Variants in LNX1 observed in about 807,000 individuals in gnomAD.
LNX1 encodes the protein E3 ubiquitin-protein ligase LNX.
A neutral mutation model predicts 68.4 loss-of-function variants in LNX1; 54 were observed. The ratio of observed to expected loss-of-function variants is 0.79; its 90% CI spans 0.63 to 0.99. LNX1 has a LOEUF of 0.99. Ranked by LOEUF, LNX1 falls within the 50% of genes least tolerant of loss-of-function variation. The probability of loss-of-function intolerance (pLI) is 0.00; values close to 1 mark genes in which losing one functional copy is unlikely to be tolerated. For synonymous variants in LNX1, 336 were observed against 350.0 expected, an observed-to-expected ratio of 0.96 and a Z score of 0.45; for missense variants, 906 against 926.4, an observed-to-expected ratio of 0.98 and a Z score of 0.29.
intron 4 of LNX1, 152 bp downstream of exon 4, chr4:53,507,165 C>T (rs899629068): frequency 9.6e-6 from 7 of 731,604 alleles, no homozygotes; most frequent in South Asian, 7.3e-5. Flanking sequence ...TAGCTACATA[C>T]GTGAGAAGTA....
intron 6 of LNX1, among the ~76,000 whole-genome samples, chr4:53,488,025 G>C (rs1724433623): frequency 6.6e-6 from 1 of 152,186 alleles, no homozygotes; most frequent in Non-Finnish European, 1.5e-5. Context: ...CTGGGAAATT[G>C]TGAAGGCACT....
At chr4:53,466,772 A>G (rs1579350957) in intron 9 of LNX1, among the ~76,000 whole-genome samples, 1 of 152,232 alleles carries the variant, frequency 6.6e-6, no homozygotes, top group Admixed American at 6.5e-5. Context: ...GGTGGCAGCA[A>G]GGCTGGGGGA....
At chr4:53,573,593 G>T in intron 2 of LNX1, 30 bp downstream of exon 2, 2 of 1,539,108 alleles carry the variant, frequency 1.3e-6, no homozygotes, top group South Asian at 2.4e-5. Context: ...TTGGGGGTGG[G>T]ACTTACCGGC....
At chr4:53,524,239 G>C (rs1432248372) in intron 2 of LNX1, 9 of 152,152 alleles carry the variant, frequency 5.9e-5, no homozygotes, top group Admixed American at 2.6e-4. Context: ...TCATTATCTT[G>C]TCAAAACTGT....
chr4:53,483,285 C>A (rs1560620316), intron 6 of LNX1, among the ~76,000 whole-genome samples: 2 of 152,184 alleles, frequency 1.3e-5, no homozygotes, highest in Non-Finnish European at 2.9e-5. Context: ...GCCTCCCCAG[C>A]CATGTAAAAC....
chr4:53,591,686 G>A (rs1174525327), upstream of LNX1: 1 of 596,548 alleles, frequency 1.7e-6, no homozygotes, highest in South Asian at 7.4e-5. Context: ...GTCTCTTTGT[G>A]GACAAATAAA....
At chr4:53,589,075 C>A (rs1310699981) in intron 1 of LNX1, among the ~76,000 whole-genome samples, 1 of 152,154 alleles carries the variant, frequency 6.6e-6, no homozygotes, top group Admixed American at 6.5e-5. Flanking sequence ...TGGAGGAGAC[C>A]AAACACCCAG....
At chr4:53,632,363 A>C (rs1734311187) in intron 1 of LNX1, among the ~76,000 whole-genome samples, 1 of 152,170 alleles carries the variant, frequency 6.6e-6, no homozygotes, top group African/African-American at 2.4e-5. Flanking sequence ...AGCTTCTGAG[A>C]GTGTGGCTGC....
intron 1 of LNX1, among the ~76,000 whole-genome samples, chr4:53,624,206 T>C (rs1733990886): frequency 6.6e-6 from 1 of 152,210 alleles, no homozygotes; most frequent in African/African-American, 2.4e-5. Flanking sequence ...ATTAGCCTAT[T>C]TCTCTCTTAT....
intron 9 of LNX1, among the ~76,000 whole-genome samples, chr4:53,473,031 C>T (rs1723339412): frequency 6.6e-6 from 1 of 151,982 alleles, no homozygotes; most frequent in Non-Finnish European, 1.5e-5. Context: ...CAGGCCTTGA[C>T]TATGAAATAC....
intron 1 of LNX1, among the ~76,000 whole-genome samples, chr4:53,580,130 A>T (rs1440531022): frequency 6.6e-6 from 1 of 152,180 alleles, no homozygotes; most frequent in African/African-American, 2.4e-5. Flanking sequence ...AAAATAGATG[A>T]TTCTACCTTT....
In LNX1 at chr4:53,646,940, G is replaced by A. The variant is rs77894545; in HGVS notation, c.-215+5228C>T. Among the ~76,000 whole-genome samples the A allele has an allele frequency of 9.2e-5, 14 of 152,316 alleles. No homozygotes were observed. The South Asian group carries it at 1.2e-3, about 14-fold the overall frequency. ...TGCCCGGGAGTTGAAATGAACCTGT[G>A]TGTTTAGAAGTGGAGGAAGCTGTAA... On this transcript the variant is annotated intron_variant, in intron 1 of 2. Transcript: ENST00000507168.
Position 53,496,814 on chromosome 4 carries a change from C to T in LNX1, c.979-420G>A, listed in dbSNP as rs868355866. Among the ~76,000 whole-genome samples, 24 of 152,356 alleles carry T rather than the reference C, an allele frequency of 1.6e-4. 1 individual carries two copies. The highest frequency in any genetic ancestry group is 5.3e-4 in the African/African-American group (22 of 41,580). ...GCTCTTCAAGCCGAGTTGACATTTT[C>T]TTCCCAAAAATCTCCAATTGAATTT... On this transcript the variant is annotated intron_variant, in intron 5 of 10. Transcript: ENST00000263925.
At chr4:53,461,782 C>CTGTT (rs1722138086) in intron 9 of LNX1, among the ~76,000 whole-genome samples, 189 bp from the exon 10 acceptor site, 1 of 152,052 alleles carries the variant, frequency 6.6e-6, no homozygotes, top group South Asian at 2.1e-4. Context: ...GTAATTGAAC[C>CTGTT]TGTTTTCCAT....
intron 2 of LNX1, among the ~76,000 whole-genome samples, chr4:53,602,075 G>A (rs1254993210): frequency 5.9e-4 from 90 of 152,156 alleles, no homozygotes; most frequent in Admixed American, 5.8e-3. Context: ...TAGCCTTATG[G>A]TTCTACTGGT....
chr4:53,566,339 A>G (rs1454553863), intron 2 of LNX1, among the ~76,000 whole-genome samples: 1 of 151,924 alleles, frequency 6.6e-6, no homozygotes, highest in African/African-American at 2.4e-5. Context: ...GTGGGGGCCA[A>G]TATTCAACAT....
rs545055929 is a variant in LNX1 at position 53,521,647 on chromosome 4, C to T, written c.381-13420G>A. 3.9e-5 allele frequency among the ~76,000 whole-genome samples: 6 copies of T among 152,278 alleles called. No homozygotes were observed. The East Asian group carries it at 1.2e-3, about 29-fold the overall frequency. On this transcript the variant is annotated intron_variant, in intron 2 of 10. Coordinates refer to ENST00000263925, the MANE Select transcript of LNX1 (RefSeq NM_001126328.3). ...TCCCAATATATTTAAAAGAAACAAC[C>T]TTACTCCTTCTATAAAACATATTCC...
At chr4:53,635,225 T>C (rs1468559245) in intron 1 of LNX1, among the ~76,000 whole-genome samples, 2 of 152,158 alleles carry the variant, frequency 1.3e-5, no homozygotes, top group Non-Finnish European at 2.9e-5. Flanking sequence ...GGCAGAATGA[T>C]ACCATTAGAC....
intron 2 of LNX1, among the ~76,000 whole-genome samples, chr4:53,613,350 T>C (rs1331637391): frequency 2.0e-5 from 3 of 152,106 alleles, no homozygotes; most frequent in Non-Finnish European, 4.4e-5. Context: ...CCAGGAATTT[T>C]TTTTTTTTAA....
Sources: allele counts gnomAD v4.1 joint callset (sites outside exome capture counted in the v4.1 genomes callset), GRCh38; gene constraint gnomAD v4.1.1; transcripts MANE v1.5; gene names NCBI Gene and HGNC (gene_info 2026-07-23, HGNC 2026-07-21).